The following SH3GL3 variants were observed in gnomAD, a reference collection of about 807,000 sequenced individuals.
SH3GL3 encodes the protein endophilin-A3.
Under a neutral mutation model 47.7 loss-of-function variants are expected in SH3GL3, and 33 were observed. The observed-to-expected ratio is 0.69, with a 90% CI of 0.52 to 0.92. SH3GL3 has a LOEUF of 0.92. Among genes scored for constraint, SH3GL3 ranks in the 40% least tolerant of loss-of-function variants. SH3GL3 has a pLI of 0.00. For synonymous variants in SH3GL3, 155 were observed against 148.8 expected (o/e 1.04, Z -0.30); for missense variants, 363 against 417.8 (o/e 0.87, Z 1.14).
downstream of SH3GL3, among the ~76,000 whole-genome samples, chr15:83,619,122 G>A (rs893381239): frequency 1.3e-5 from 2 of 152,106 alleles, no homozygotes; most frequent in Non-Finnish European, 2.9e-5. Flanking sequence ...CCTACAGTAC[G>A]CACTAGTTAC....
At chr15:83,505,870 T>C (rs2042479882) in intron 1 of SH3GL3, among the ~76,000 whole-genome samples, 2 of 152,192 alleles carry the variant, frequency 1.3e-5, no homozygotes, top group South Asian at 4.1e-4. Context: ...AAGTATTTTA[T>C]CCATTTTTAA....
At chr15:83,585,350 C>T (rs1411329106) in intron 6 of SH3GL3, among the ~76,000 whole-genome samples, 3 of 152,200 alleles carry the variant, frequency 2.0e-5, no homozygotes, top group Non-Finnish European at 2.9e-5. Flanking sequence ...TCCCCTTGCC[C>T]CCTTCCTGTT....
intron 1 of SH3GL3, among the ~76,000 whole-genome samples, chr15:83,547,986 CTCT>C (rs1044298646): frequency 1.8e-4 from 28 of 151,718 alleles, no homozygotes; most frequent in Non-Finnish European, 2.5e-4. Context: ...CATTTTACTA[CTCT>C]AGTAGCTTGC....
At chr15:83,591,812 A>T (rs1596320017) in intron 8 of SH3GL3, among the ~76,000 whole-genome samples, 1 of 152,094 alleles carries the variant, frequency 6.6e-6, no homozygotes, top group African/African-American at 2.4e-5. Context: ...CGGCCCCCCG[A>T]GTAGCTGAGA....
Position 83,559,271 on chromosome 15 carries a change from A to G in SH3GL3, c.64A>G (p.Ser22Gly). 6.3e-7 allele frequency: 1 copy of G among 1,581,032 alleles called. No homozygotes were observed. Among genetic ancestry groups the G allele is most frequent in the East Asian group, 2.2e-5 (1 of 44,706 alleles). ...TCTGCAGCTATTTAGTGAAAAAATAAGTGGTGCTGAAGGAACTAAACTAGA... is the reference window on the plus strand; with the variant it reads ...TCTGCAGCTATTTAGTGAAAAAATAGGTGGTGCTGAAGGAACTAAACTAGA... ...KASQLFSEKI[S>G]GAEGTKLDDE... Residue 22 changes from serine (S) to glycine (G), a missense_variant, in exon 2 of 9, where the codon AGT (serine) becomes GGT (glycine). Coordinates refer to ENST00000427482, the MANE Select transcript of SH3GL3 (RefSeq NM_003027.5).
rs116916670 is a variant in SH3GL3 at position 83,465,475 on chromosome 15, C to T, written c.45+17897C>T. ...ACTTGACTTGGCCTCTCCCACTCCT[C>T]TCCTGAGGATGTTTAGCCGCTTTTT... is the stretch of plus-strand genomic sequence containing the variant. On this transcript the variant is annotated intron_variant, in intron 1 of 8. Transcript: ENST00000427482. 5.1e-3 allele frequency among the ~76,000 whole-genome samples: 777 copies of T among 152,134 alleles called. 6 individuals carry two copies. Among genetic ancestry groups the T allele is most frequent in the Admixed American group, 0.012 (182 of 15,280 alleles).
the SH3GL3 span, among the ~76,000 whole-genome samples, chr15:83,629,864 A>G: frequency 1.3e-5 from 2 of 152,180 alleles, no homozygotes; most frequent in Admixed American, 1.3e-4. Context: ...CTAGACATAC[A>G]GGCTAAAACC....
At chr15:83,523,285 A>G (rs1013174002) in intron 1 of SH3GL3, among the ~76,000 whole-genome samples, 10 of 152,240 alleles carry the variant, frequency 6.6e-5, no homozygotes, top group Non-Finnish European at 1.3e-4. Context: ...ACCTTGAGCT[A>G]AAATGACCCT....
intron 8 of SH3GL3, among the ~76,000 whole-genome samples, chr15:83,602,744 C>T (rs1346843141): frequency 6.6e-6 from 1 of 152,140 alleles, no homozygotes; most frequent in Non-Finnish European, 1.5e-5. Context: ...CCTACCCTGG[C>T]AGTGAAGAAA....
chr15:83,532,490 G>C (rs1567309330), intron 1 of SH3GL3, among the ~76,000 whole-genome samples: 1 of 152,154 alleles, frequency 6.6e-6, no homozygotes. Flanking sequence ...TTTCAAGGTG[G>C]GAGTGGACAG....
intron 8 of SH3GL3, among the ~76,000 whole-genome samples, chr15:83,610,401 A>T (rs966185554): frequency 1.3e-5 from 2 of 152,136 alleles, no homozygotes; most frequent in Non-Finnish European, 2.9e-5. Context: ...TCCGGGCATG[A>T]TGGTGCCTGT....
chr15:83,494,780 T>C (rs1406343501), intron 1 of SH3GL3, among the ~76,000 whole-genome samples: 1 of 152,142 alleles, frequency 6.6e-6, no homozygotes, highest in East Asian at 1.9e-4. Flanking sequence ...TGGCCTCAAG[T>C]GATTCGCTTG....
At chr15:83,597,867 C>T (rs761878744) in intron 8 of SH3GL3, among the ~76,000 whole-genome samples, 15 of 152,316 alleles carry the variant, frequency 9.8e-5, no homozygotes, top group Non-Finnish European at 1.5e-4. Context: ...CTCGGCCTCC[C>T]GAAGTGCTGG....
chr15:83,533,954 G>A (rs1268942578), intron 1 of SH3GL3, among the ~76,000 whole-genome samples: 3 of 152,086 alleles, frequency 2.0e-5, no homozygotes, highest in African/African-American at 7.2e-5. Context: ...ATCCTCTTGG[G>A]AAGTATCTCC....
At chr15:83,519,475 T>C (rs2043120745) in intron 1 of SH3GL3, among the ~76,000 whole-genome samples, 2 of 152,202 alleles carry the variant, frequency 1.3e-5, no homozygotes. Context: ...TTGAATGTTA[T>C]TGGAGTATAG....
At chr15:83,562,903 C>G (rs999984831) in intron 2 of SH3GL3, among the ~76,000 whole-genome samples, 1 of 152,184 alleles carries the variant, frequency 6.6e-6, no homozygotes, top group African/African-American at 2.4e-5. Flanking sequence ...AGTCACAAAA[C>G]TTGTTACTAG....
rs556069857 is a variant in SH3GL3 at position 83,584,346 on chromosome 15, C to G, written c.625-2637C>G. On this transcript the variant is annotated intron_variant, in intron 6 of 8. Coordinates refer to ENST00000427482, the MANE Select transcript of SH3GL3 (RefSeq NM_003027.5). ...CCATTCAGACGTTCCAAAATAATCT[C>G]TTCATGTTAAGATCCTTAACTCAAT... Among the ~76,000 whole-genome samples, 19 of 152,324 alleles carry G rather than the reference C, an allele frequency of 1.2e-4. No homozygotes were observed. The East Asian group carries it at 2.3e-3, about 19-fold the overall frequency.
intron 1 of SH3GL3, among the ~76,000 whole-genome samples, chr15:83,532,994 G>A (rs1051251556): frequency 6.6e-6 from 1 of 152,214 alleles, no homozygotes; most frequent in African/African-American, 2.4e-5. Flanking sequence ...GAATGTTCTG[G>A]CATAGTGATC....
intron 1 of SH3GL3, among the ~76,000 whole-genome samples, chr15:83,524,045 T>C (rs2043317495): frequency 6.6e-6 from 1 of 152,036 alleles, no homozygotes; most frequent in Non-Finnish European, 1.5e-5. Context: ...CTTCTCCACC[T>C]GTTTGGAAGT....
Sources: gnomAD v4.1 joint callset for allele counts (sites outside exome capture counted in the v4.1 genomes callset) on GRCh38, gnomAD v4.1.1 for gene constraint, MANE v1.5 for transcripts, NCBI Gene and HGNC (gene_info 2026-07-23, HGNC 2026-07-21) for gene names.